MANBA: variants seen among roughly 807,000 people sequenced by gnomAD.
MANBA encodes beta-mannosidase.
Under a neutral mutation model 111.1 loss-of-function variants are expected in MANBA, and 83 were observed. The observed-to-expected ratio is 0.75, with a 90% CI of 0.63 to 0.90. MANBA has a LOEUF of 0.90. MANBA is among the 40% of genes least tolerant of loss of function. The pLI is 0.00. For missense variants in MANBA, 1,036 were observed against 1,069.0 expected (o/e 0.97, Z 0.43); for synonymous variants, 370 against 378.7 (o/e 0.98, Z 0.27).
intron 12 of MANBA, among the ~76,000 whole-genome samples, chr4:102,654,371 T>C (rs937396537): frequency 7.2e-5 from 11 of 152,280 alleles, no homozygotes; most frequent in African/African-American, 2.6e-4. Flanking sequence ...TAGTACACGA[T>C]AAGTATATAC....
At chr4:102,662,499 C>T (rs1029747620) in intron 11 of MANBA, 2 of 150,444 alleles carry the variant, frequency 1.3e-5, no homozygotes, top group African/African-American at 4.9e-5. Flanking sequence ...GAGCCAAGAC[C>T]GCACTACTGC....
intron 16 of MANBA, 101 bp from the exon 17 acceptor site, chr4:102,632,382 T>C: frequency 3.1e-6 from 3 of 975,514 alleles, no homozygotes; most frequent in South Asian, 2.8e-5. Context: ...TAACAAGGAG[T>C]CCACTTCCCA....
chr4:102,671,919 C>T (rs1731515957), intron 8 of MANBA: 1 of 414,034 alleles, frequency 2.4e-6, no homozygotes, highest in East Asian at 3.5e-5. Flanking sequence ...TGTACCTTCC[C>T]TCCATTCCCA....
chr4:102,687,933 C>T (rs1732292376), intron 7 of MANBA, among the ~76,000 whole-genome samples: 1 of 152,164 alleles, frequency 6.6e-6, no homozygotes, highest in African/African-American at 2.4e-5. Context: ...ATTTCACACA[C>T]ATGCATTAAC....
At chr4:102,693,830 A>C (rs2110247275) in intron 5 of MANBA, among the ~76,000 whole-genome samples, 1 of 150,782 alleles carries the variant, frequency 6.6e-6, no homozygotes, top group South Asian at 2.1e-4. Flanking sequence ...CCTTTCTTTA[A>C]ATATCTCTAA....
chr4:102,721,768 C>A (rs1456416090), intron 4 of MANBA, among the ~76,000 whole-genome samples: 1 of 152,058 alleles, frequency 6.6e-6, no homozygotes, highest in East Asian at 1.9e-4. Context: ...TGGCTCACAC[C>A]TGTAATCCCG....
chr4:102,698,793 T>G (rs1732864951), intron 5 of MANBA, among the ~76,000 whole-genome samples: 1 of 150,950 alleles, frequency 6.6e-6, no homozygotes, highest in Non-Finnish European at 1.5e-5. Context: ...GGTAGTGTGA[T>G]GCCTCCAGCT....
At chr4:102,693,025 A>G (rs1022536521) in intron 5 of MANBA, among the ~76,000 whole-genome samples, 2 of 152,216 alleles carry the variant, frequency 1.3e-5, no homozygotes, top group Non-Finnish European at 2.9e-5. Context: ...TTTGATGCAC[A>G]TTGAAGTAAA....
rs767103860 is a variant in MANBA, at chr4:102,760,818, C to T, written c.77G>A (p.Arg26His). Residue 26 changes from arginine (R) to histidine (H), a missense_variant, in exon 1 of 17, where the codon CGT (arginine) becomes CAT (histidine). Physicochemically the swap from Arg to His is conservative, Grantham distance 29. Transcript: ENST00000647097. ...CCCATTGCAGATGCTCCAGTTGCCA[C>T]GCAAGCTGTAACTGAGCTCCGCGGC... is the stretch of plus-strand genomic sequence containing the variant. Reference protein sequence around the residue: ...TTAAELSYSLRGNWSICNGNG... With the variant: ...TTAAELSYSLHGNWSICNGNG... 6.4e-7 allele frequency: 1 copy of T among 1,565,506 alleles called. No homozygotes were observed. The highest frequency in any genetic ancestry group is 8.7e-7 in the Non-Finnish European group (1 of 1,155,174).
At chr4:102,716,604 C>A (rs1289615848) in intron 4 of MANBA, among the ~76,000 whole-genome samples, 1 of 152,164 alleles carries the variant, frequency 6.6e-6, no homozygotes, top group Non-Finnish European at 1.5e-5. Context: ...AGAAATAATT[C>A]TGTAAAATAA....
chr4:102,681,091 CA>C (rs1731957774), intron 7 of MANBA, among the ~76,000 whole-genome samples: 2 of 152,312 alleles, frequency 1.3e-5, no homozygotes, highest in African/African-American at 4.8e-5. Context: ...TGCTTGAGGA[CA>C]GGGGTGTGAG....
intron 8 of MANBA, among the ~76,000 whole-genome samples, chr4:102,673,014 A>AT (rs148517086): frequency 0.063 from 9,594 of 151,968 alleles, 974 homozygotes; most frequent in African/African-American, 0.22. Context: ...AAATAGCACA[A>AT]TTTTTTTAAC....
chr4:102,698,930 C>G (rs1273586308), intron 5 of MANBA, among the ~76,000 whole-genome samples: 1 of 152,174 alleles, frequency 6.6e-6, no homozygotes, highest in Admixed American at 6.5e-5. Context: ...GGCATTGAAT[C>G]TATAAATTAC....
intron 4 of MANBA, among the ~76,000 whole-genome samples, chr4:102,717,811 A>C (rs1006629321): frequency 2.0e-5 from 3 of 152,224 alleles, no homozygotes; most frequent in Non-Finnish European, 4.4e-5. Context: ...TGACTGGAGA[A>C]GTGAGCATGG....
At chr4:102,739,324 C>CA (rs1723322878) in intron 1 of MANBA, among the ~76,000 whole-genome samples, 1 of 151,242 alleles carries the variant, frequency 6.6e-6, no homozygotes, top group South Asian at 2.1e-4. Flanking sequence ...AATTGCTGAC[C>CA]AAAAAAAAGT....
intron 13 of MANBA, among the ~76,000 whole-genome samples, chr4:102,648,857 AC>A (rs533766477): frequency 8.1e-4 from 123 of 152,180 alleles, no homozygotes; most frequent in Non-Finnish European, 1.5e-3. Context: ...GTTCTCTTGT[AC>A]CCCTTCCTAA....
At chr4:102,676,076 C>A (rs1560766960) in intron 7 of MANBA, among the ~76,000 whole-genome samples, 1 of 152,088 alleles carries the variant, frequency 6.6e-6, no homozygotes, top group Non-Finnish European at 1.5e-5. Context: ...TCTTTTGACT[C>A]ATGGAAGGGA....
chr4:102,652,665 A>C (rs1730389287), intron 12 of MANBA, among the ~76,000 whole-genome samples: 1 of 152,146 alleles, frequency 6.6e-6, no homozygotes, highest in Non-Finnish European at 1.5e-5. Flanking sequence ...CTGAGGTGGG[A>C]GGATTGCTTG....
At chr4:102,671,248 T>G (rs1465814981) in intron 9 of MANBA, 33 bp downstream of exon 9, 3 of 1,304,176 alleles carry the variant, frequency 2.3e-6, no homozygotes, top group East Asian at 4.6e-5. Flanking sequence ...ATATAGTAAC[T>G]TATCAATATA....
Sources: gnomAD v4.1 joint callset for allele counts (sites outside exome capture counted in the v4.1 genomes callset) on GRCh38, gnomAD v4.1.1 for gene constraint, MANE v1.5 for transcripts, NCBI Gene and HGNC (gene_info 2026-07-23, HGNC 2026-07-21) for gene names.